DEPDC5: variants seen among roughly 807,000 people sequenced by gnomAD.
DEPDC5 encodes GATOR1 complex protein DEPDC5.
DEPDC5 carries 73 observed loss-of-function variants against 217.3 expected under a neutral mutation model. The ratio of observed to expected loss-of-function variants is 0.34; its 90% CI spans 0.28 to 0.41. The LOEUF (loss-of-function observed/expected upper bound fraction) is 0.41, where lower values mean the gene tolerates loss of function less well. Ranked by LOEUF, DEPDC5 falls within the 10% of genes least tolerant of loss-of-function variation. The pLI, the probability that DEPDC5 is intolerant of heterozygous loss-of-function variation, is 1.00. For missense variants in DEPDC5, 1,675 were observed against 2,070.1 expected (o/e 0.81, Z 3.70); for synonymous variants, 733 against 756.7 (o/e 0.97, Z 0.51).
chr22:31,866,725 T>G (rs1323474965), intron 33 of DEPDC5, among the ~76,000 whole-genome samples: 1 of 152,020 alleles, frequency 6.6e-6, no homozygotes, highest in Non-Finnish European at 1.5e-5. Context: ...CCTTGAGGAG[T>G]CCTGGCCAGG....
intron 16 of DEPDC5, among the ~76,000 whole-genome samples, 178 bp downstream of exon 16, chr22:31,804,401 A>G (rs775471795): frequency 1.3e-5 from 2 of 152,150 alleles, no homozygotes; most frequent in African/African-American, 2.4e-5. Context: ...ATGAATAACC[A>G]CTGCACTCCA....
At chr22:31,796,131 C>G (rs1295674959) in intron 12 of DEPDC5, among the ~76,000 whole-genome samples, 2 of 145,458 alleles carry the variant, frequency 1.4e-5, no homozygotes, top group African/African-American at 5.2e-5. Flanking sequence ...GGCGAAGTCT[C>G]GCTCTGTCGC....
intron 35 of DEPDC5, 161 bp from the exon 36 acceptor site, chr22:31,874,112 G>A (rs2092927232): frequency 3.5e-6 from 4 of 1,157,404 alleles, no homozygotes; most frequent in Admixed American, 5.8e-5. Context: ...AGTTTCTTTT[G>A]TCCTCTCATG....
chr22:31,854,853 C>G (rs1428228545), intron 31 of DEPDC5, among the ~76,000 whole-genome samples: 1 of 151,080 alleles, frequency 6.6e-6, no homozygotes, highest in Non-Finnish European at 1.5e-5. Flanking sequence ...CTTTCTTTAA[C>G]AAATAAATTG....
chr22:31,786,573 C>T (rs62238902), intron 10 of DEPDC5, among the ~76,000 whole-genome samples: 4,687 of 151,500 alleles, frequency 0.031, 89 homozygotes, highest in Non-Finnish European at 0.046. Flanking sequence ...CTGCAACCTC[C>T]GCCTCCCAGG....
chr22:31,881,912 C>T (rs1366987609), intron 38 of DEPDC5, among the ~76,000 whole-genome samples: 1 of 150,980 alleles, frequency 6.6e-6, no homozygotes, highest in African/African-American at 2.4e-5. Flanking sequence ...CACCACTGCA[C>T]TCCAGCCTGG....
At chr22:31,857,588 T>C (rs1250281899) in intron 32 of DEPDC5, 35 bp downstream of exon 32, 1 of 1,552,004 alleles carries the variant, frequency 6.4e-7, no homozygotes, top group East Asian at 2.3e-5. Flanking sequence ...AGCTGTTCTG[T>C]GCTCTCAGAG....
Position 31,793,451 on chromosome 22 carries a change from G to T in DEPDC5, c.767+634G>T, listed in dbSNP as rs1466778201. Reference sequence around the variant, plus strand: ...TTATTTTGTCATATTTGATTCATCTGTTTTTTTCAGTGCCATTGACTAAGT... The same window carrying T: ...TTATTTTGTCATATTTGATTCATCTTTTTTTTTCAGTGCCATTGACTAAGT... On this transcript the variant is annotated intron_variant, in intron 12 of 42. Coordinates refer to ENST00000651528, the MANE Select transcript of DEPDC5 (RefSeq NM_001242896.3). Among the ~76,000 whole-genome samples, 3 of 151,706 alleles carry T rather than the reference G, an allele frequency of 2.0e-5. No homozygotes were observed. In the East Asian group the frequency reaches 5.8e-4, roughly 29 times the overall value.
intron 4 of DEPDC5, among the ~76,000 whole-genome samples, chr22:31,763,369 C>T (rs2082559698): frequency 6.6e-6 from 1 of 152,058 alleles, no homozygotes; most frequent in Non-Finnish European, 1.5e-5. Flanking sequence ...AGGTGATCTG[C>T]CTGCCTCAAC....
chr22:31,787,994 A>G lies in DEPDC5; in HGVS notation c.624+3119A>G, dbSNP rs78994196. Among the ~76,000 whole-genome samples the G allele has an allele frequency of 2.2e-3, 335 of 152,218 alleles. 2 individuals are homozygous for G. Among genetic ancestry groups the G allele is most frequent in the African/African-American group, 7.5e-3 (312 of 41,574 alleles). ...ATGGGCAAAGGCTGCCCCATTCACC[A>G]TGATGTGATTATTTCACATTACATG... On this transcript the variant is annotated intron_variant, in intron 10 of 42. Transcript: ENST00000651528.
chr22:31,768,582 A>G (rs938612254), intron 6 of DEPDC5, among the ~76,000 whole-genome samples: 1 of 152,216 alleles, frequency 6.6e-6, no homozygotes. Context: ...GCTATTATCT[A>G]TACTTGCCAA....
intron 38 of DEPDC5, chr22:31,891,480 G>A: frequency 1.1e-5 from 2 of 186,710 alleles, no homozygotes; most frequent in South Asian, 1.8e-4. Flanking sequence ...AATGGTGAGT[G>A]GTACATCTGG....
intron 31 of DEPDC5, among the ~76,000 whole-genome samples, chr22:31,850,408 C>A (rs2091963651): frequency 6.6e-6 from 1 of 152,086 alleles, no homozygotes; most frequent in East Asian, 1.9e-4. Context: ...ATTCACGTAA[C>A]TTTTCTTACA....
Position 31,893,688 on chromosome 22 carries a change from G to T in DEPDC5, c.4140G>T (p.Leu1380=), listed in dbSNP as rs1243765836. The change falls in exon 39 of 43, where the codon CTG becomes CTT. Residue 1380 remains leucine, a synonymous_variant. Coordinates refer to ENST00000651528, the MANE Select transcript of DEPDC5 (RefSeq NM_001242896.3). ...CSCYYHGNFS[L]NAAFEIKLHW... ...GTTATTACCATGGCAACTTTTCTCT[G>T]AATGCAGCCTTTGAGATCAAGCTGC... 1 of 1,613,990 alleles carries T rather than the reference G, an allele frequency of 6.2e-7. No individual in the cohort carries two copies. Among genetic ancestry groups the T allele is most frequent in the Non-Finnish European group, 8.5e-7 (1 of 1,179,972 alleles).
At chr22:31,874,706 G>A (rs1278379839) in intron 36 of DEPDC5, among the ~76,000 whole-genome samples, 2 of 152,122 alleles carry the variant, frequency 1.3e-5, no homozygotes, top group African/African-American at 4.8e-5. Flanking sequence ...CCCTCCCTCT[G>A]ACCTCAAGCC....
chr22:31,891,474 G>A (rs1344113710), intron 38 of DEPDC5: 1 of 196,394 alleles, frequency 5.1e-6, no homozygotes, highest in East Asian at 1.6e-4. Flanking sequence ...TGAGAGAATG[G>A]TGAGTGGTAC....
chr22:31,867,320 G>A (rs79386815), intron 33 of DEPDC5, among the ~76,000 whole-genome samples: 2,180 of 152,266 alleles, frequency 0.014, 18 homozygotes, highest in Middle Eastern at 0.031. Context: ...GTAATATAAG[G>A]CCTTGTAAAG....
At chr22:31,806,097 A>G (rs769730200) in intron 17 of DEPDC5, 25 bp from the exon 18 acceptor site, 2 of 1,596,534 alleles carry the variant, frequency 1.3e-6, no homozygotes, top group Admixed American at 1.7e-5. Context: ...ATTTAGATTA[A>G]TGACTCTGTT....
Position 31,846,920 on chromosome 22 carries a change from G to A in DEPDC5, c.3108G>A (p.Lys1036=), listed in dbSNP as rs2091770562. The A allele has an allele frequency of 1.2e-6, 2 of 1,614,230 alleles. No homozygotes were observed. The highest frequency in any genetic ancestry group is 1.7e-5 in the Admixed American group (1 of 60,024). ...LESTAPPVGK[K]GTSALSALLE... The stretch of plus-strand genomic sequence containing the variant: ...CAACTGCACCCCCAGTGGGGAAGAA[G>A]GGAACCTCAGCTCTCTCTGCCCTGT... Residue 1036 remains lysine (K), a synonymous_variant, in exon 31 of 43, where the codon AAG becomes AAA. Coordinates refer to ENST00000651528, the MANE Select transcript of DEPDC5 (RefSeq NM_001242896.3).
Sources: gnomAD v4.1 joint callset for allele counts (sites outside exome capture counted in the v4.1 genomes callset) on GRCh38, gnomAD v4.1.1 for gene constraint, MANE v1.5 for transcripts, NCBI Gene and HGNC (gene_info 2026-07-23, HGNC 2026-07-21) for gene names.